The following PHF21A variants were observed in gnomAD, a reference collection of about 807,000 sequenced individuals.
PHF21A encodes the protein PHD finger protein 21A, also known as BHC80a.
A neutral mutation model predicts 82.5 loss-of-function variants in PHF21A; 11 were observed. The observed-to-expected ratio is 0.13, with a 90% CI of 0.08 to 0.22. The LOEUF is 0.22. Among genes scored for constraint, PHF21A ranks in the 10% least tolerant of loss-of-function variants. PHF21A has a pLI of 1.00. For synonymous variants in PHF21A, 297 were observed against 302.8 expected, an observed-to-expected ratio of 0.98 and a Z score of 0.20; for missense variants, 579 against 837.8, an observed-to-expected ratio of 0.69 and a Z score of 3.81.
chr11:45,998,397 A>G (rs2094984409), intron 6 of PHF21A, among the ~76,000 whole-genome samples: 1 of 152,198 alleles, frequency 6.6e-6, no homozygotes, highest in African/African-American at 2.4e-5. Context: ...GAATATGCCT[A>G]CTGAGTATAT....
chr11:45,943,783 T>C (rs1201517500), intron 15 of PHF21A, among the ~76,000 whole-genome samples: 1 of 152,118 alleles, frequency 6.6e-6, no homozygotes, highest in African/African-American at 2.4e-5. Context: ...TCTTAGGAGA[T>C]GAAAGTTAAC....
At chr11:46,079,934 C>G (rs369393137) in intron 4 of PHF21A, among the ~76,000 whole-genome samples, 1 of 152,048 alleles carries the variant, frequency 6.6e-6, no homozygotes, top group African/African-American at 2.4e-5. Context: ...TTTGACCTAA[C>G]CCAACTTCTA....
chr11:46,046,433 A>G (rs2096257772), intron 6 of PHF21A, among the ~76,000 whole-genome samples: 1 of 152,170 alleles, frequency 6.6e-6, no homozygotes, highest in Non-Finnish European at 1.5e-5. Flanking sequence ...AACCCAAACC[A>G]AAAAACCTTG....
chr11:46,056,287 T>C (rs1286550870), intron 6 of PHF21A, among the ~76,000 whole-genome samples: 1 of 152,164 alleles, frequency 6.6e-6, no homozygotes, highest in Non-Finnish European at 1.5e-5. Flanking sequence ...ATGGGACACC[T>C]GGCAGGGGAT....
chr11:46,022,298 T>G (rs573668022), intron 6 of PHF21A, among the ~76,000 whole-genome samples: 16 of 152,012 alleles, frequency 1.1e-4, no homozygotes, highest in Admixed American at 9.2e-4. Context: ...TACAAAAAAA[T>G]TTAAAAATTA....
chr11:46,037,378 A>T (rs2096027848), intron 6 of PHF21A, among the ~76,000 whole-genome samples: 1 of 152,216 alleles, frequency 6.6e-6, no homozygotes, highest in Non-Finnish European at 1.5e-5. Flanking sequence ...ACAGTGGCTC[A>T]TGCCTGTGAT....
intron 10 of PHF21A, among the ~76,000 whole-genome samples, chr11:45,964,233 T>TAATAATAATAATA (rs1041257338): frequency 1.1e-3 from 158 of 148,642 alleles, no homozygotes; most frequent in African/African-American, 3.5e-3. Flanking sequence ...ATAATAATAA[T>TAATAATAATAATA]AATTTATTTC....
chr11:46,073,735 T>C (rs2096685200), intron 6 of PHF21A, among the ~76,000 whole-genome samples: 2 of 152,230 alleles, frequency 1.3e-5, no homozygotes, highest in African/African-American at 2.4e-5. Flanking sequence ...ATTAAAATAC[T>C]TTCCAAAACC....
intron 7 of PHF21A, among the ~76,000 whole-genome samples, chr11:45,974,068 GTTTTC>G (rs1180306751): frequency 3.3e-5 from 5 of 152,098 alleles, no homozygotes; most frequent in Non-Finnish European, 7.4e-5. Context: ...TAGGTTAGCA[GTTTTC>G]TTTTATTTTA....
chr11:46,051,107 GTCTC>G (rs897937719), intron 6 of PHF21A, among the ~76,000 whole-genome samples: 1 of 152,166 alleles, frequency 6.6e-6, no homozygotes, highest in Admixed American at 6.5e-5. Context: ...AGCATAGTTA[GTCTC>G]TCTGAGGTAA....
intron 9 of PHF21A, 122 bp from the exon 10 acceptor site, chr11:45,965,730 A>G: frequency 5.1e-6 from 4 of 782,212 alleles, no homozygotes; most frequent in Non-Finnish European, 7.9e-6. Context: ...TCATTTTGGT[A>G]CATTAATTCT....
At chr11:46,089,589 C>T (rs891359007) in intron 3 of PHF21A, among the ~76,000 whole-genome samples, 1 of 151,716 alleles carries the variant, frequency 6.6e-6, no homozygotes, top group Admixed American at 6.6e-5. Context: ...CGAGGCGAAC[C>T]CTCTGAATGT....
intron 3 of PHF21A, among the ~76,000 whole-genome samples, chr11:46,088,779 T>C (rs2096886668): frequency 6.6e-6 from 1 of 152,192 alleles, no homozygotes; most frequent in South Asian, 2.1e-4. Flanking sequence ...CTTCTCTACA[T>C]AGTATATATC....
intron 7 of PHF21A, among the ~76,000 whole-genome samples, chr11:45,976,838 A>G (rs1015537568): frequency 1.3e-5 from 2 of 152,200 alleles, no homozygotes; most frequent in Admixed American, 1.3e-4. Context: ...TGTCTAAAAA[A>G]CAAACAAACA....
At chr11:46,025,867 C>CA (rs1402162414) in intron 6 of PHF21A, among the ~76,000 whole-genome samples, 1 of 152,172 alleles carries the variant, frequency 6.6e-6, no homozygotes, top group Non-Finnish European at 1.5e-5. Flanking sequence ...TGTGACTGCT[C>CA]ATAGCCCATT....
In PHF21A at chr11:45,965,477, G is replaced by C. The variant is rs562533951; in HGVS notation, c.834C>G (p.Ser278=). 3 of 1,614,078 alleles carry C rather than the reference G, an allele frequency of 1.9e-6. No homozygotes were observed. Among genetic ancestry groups the C allele is most frequent in the African/African-American group, 1.3e-5 (1 of 75,020 alleles). ...CACGGACGGGGTGGATGGAATTCTG[G>C]GATGTGGGAAGGGTTGTGGGGGTGA... ...TKFTPTTLPT[S]QNSIHPVRVV... Residue 278 remains serine, a synonymous_variant, in exon 10 of 19, where the codon TCC becomes TCG. Coordinates refer to ENST00000676320, the MANE Select transcript of PHF21A (RefSeq NM_001352027.3).
intron 6 of PHF21A, among the ~76,000 whole-genome samples, chr11:45,984,318 C>A (rs1200878902): frequency 6.6e-6 from 1 of 152,196 alleles, no homozygotes; most frequent in Non-Finnish European, 1.5e-5. Context: ...CCACTTCAAT[C>A]CATCTGTCAA....
chr11:46,016,233 T>C (rs1402357741), intron 6 of PHF21A, among the ~76,000 whole-genome samples: 1 of 152,214 alleles, frequency 6.6e-6, no homozygotes, highest in Non-Finnish European at 1.5e-5. Context: ...TGTGTGACTG[T>C]AGATCCTTTT....
intron 1 of PHF21A, among the ~76,000 whole-genome samples, chr11:46,118,539 G>GT (rs1167655954): frequency 1.3e-5 from 2 of 151,826 alleles, no homozygotes; most frequent in Non-Finnish European, 2.9e-5. Context: ...ATCTACAAAC[G>GT]TTTTAAGTAC....
Sources: allele counts gnomAD v4.1 joint callset (sites outside exome capture counted in the v4.1 genomes callset), GRCh38; gene constraint gnomAD v4.1.1; transcripts MANE v1.5; gene names NCBI Gene and HGNC (gene_info 2026-07-23, HGNC 2026-07-21).